Variants in CYRIB observed in about 807,000 individuals in gnomAD.
CYRIB encodes the protein CYFIP-related Rac1 interactor B.
In CYRIB, 8 loss-of-function variants were observed where a neutral mutation model predicts 44.2. The observed-to-expected ratio is 0.18, with a 90% CI of 0.11 to 0.33. The LOEUF (loss-of-function observed/expected upper bound fraction) is 0.33. Among genes scored for constraint, CYRIB ranks in the 10% least tolerant of loss-of-function variants. The pLI is 1.00. For missense variants in CYRIB, 185 were observed against 382.8 expected, an observed-to-expected ratio of 0.48 and a Z score of 4.31; for synonymous variants, 131 against 127.2, an observed-to-expected ratio of 1.03 and a Z score of -0.20.
At chr8:129,855,124 T>C (rs2045512040) in intron 6 of CYRIB, among the ~76,000 whole-genome samples, 2 of 152,154 alleles carry the variant, frequency 1.3e-5, no homozygotes, top group South Asian at 4.1e-4. Flanking sequence ...GTTTCGGAGA[T>C]TAATTTTTAA....
intron 4 of CYRIB, among the ~76,000 whole-genome samples, chr8:129,863,474 G>A (rs1338291056): frequency 1.3e-5 from 2 of 151,284 alleles, no homozygotes; most frequent in East Asian, 1.9e-4. Flanking sequence ...GCAGTGAGCC[G>A]AGATCATGCC....
At chr8:129,918,351 T>C (rs896289189) in intron 1 of CYRIB, among the ~76,000 whole-genome samples, 1 of 152,226 alleles carries the variant, frequency 6.6e-6, no homozygotes, top group Non-Finnish European at 1.5e-5. Context: ...CCTAATCCCA[T>C]GGCTTTTTGT....
chr8:129,909,955 T>G (rs1158634373), intron 1 of CYRIB, among the ~76,000 whole-genome samples: 1 of 152,176 alleles, frequency 6.6e-6, no homozygotes, highest in Non-Finnish European at 1.5e-5. Context: ...ACCAGATCAG[T>G]TTCTGTCAGA....
At chr8:130,016,216 C>T (rs1396805859) in intron 1 of CYRIB, among the ~76,000 whole-genome samples, 154 bp downstream of exon 1, 12 of 147,226 alleles carry the variant, frequency 8.2e-5, no homozygotes, top group Non-Finnish European at 3.0e-5. Context: ...CCCGCCGCAG[C>T]GCCCGGCCCG....
At chr8:129,921,634 A>AT (rs1392375398) in intron 1 of CYRIB, among the ~76,000 whole-genome samples, 6 of 152,170 alleles carry the variant, frequency 3.9e-5, no homozygotes, top group African/African-American at 1.2e-4. Flanking sequence ...GGTTGACACC[A>AT]TCTTAATTGA....
intron 1 of CYRIB, among the ~76,000 whole-genome samples, chr8:129,922,807 G>A (rs376951991): frequency 6.6e-6 from 1 of 151,426 alleles, no homozygotes; most frequent in African/African-American, 2.4e-5. Context: ...AGTTTGCAGT[G>A]AGCCGAGATC....
chr8:129,930,365 T>TATATATATATATATA (rs2090532178), intron 1 of CYRIB, among the ~76,000 whole-genome samples: 22 of 50,414 alleles, frequency 4.4e-4, no homozygotes, highest in African/African-American at 1.2e-3. Flanking sequence ...TGTGAAGTGC[T>TATATATATATATATA]TATATATATA....
intron 2 of CYRIB, among the ~76,000 whole-genome samples, chr8:129,900,204 A>T (rs980714763): frequency 6.6e-6 from 1 of 152,158 alleles, no homozygotes; most frequent in Admixed American, 6.6e-5. Context: ...TGAGTAAAAA[A>T]AAAATGTGGG....
At chr8:129,964,149 C>T (rs2095383302) in intron 2 of CYRIB, among the ~76,000 whole-genome samples, 1 of 152,062 alleles carries the variant, frequency 6.6e-6, no homozygotes, top group Non-Finnish European at 1.5e-5. Context: ...AAGAAAGGCC[C>T]CTAAAGGTCA....
chr8:129,906,251 G>C (rs2075321224), intron 1 of CYRIB, among the ~76,000 whole-genome samples: 1 of 152,280 alleles, frequency 6.6e-6, no homozygotes, highest in African/African-American at 2.4e-5. Context: ...TACCAAAACA[G>C]AGATATAGAC....
intron 1 of CYRIB, among the ~76,000 whole-genome samples, chr8:129,930,793 C>A (rs2090969867): frequency 6.6e-6 from 1 of 152,104 alleles, no homozygotes; most frequent in Non-Finnish European, 1.5e-5. Flanking sequence ...ATGCTTCATC[C>A]CTCATTTTCA....
chr8:129,931,833 A>G (rs1590221781), intron 1 of CYRIB, among the ~76,000 whole-genome samples: 1 of 151,858 alleles, frequency 6.6e-6, no homozygotes, highest in Non-Finnish European at 1.5e-5. Flanking sequence ...CACCATGTCA[A>G]CCAGGCTGGT....
chr8:129,872,215 A>T (rs2057545270), intron 3 of CYRIB, among the ~76,000 whole-genome samples: 1 of 152,146 alleles, frequency 6.6e-6, no homozygotes, highest in African/African-American at 2.4e-5. Context: ...AGCTGCTGAA[A>T]ACTAGATACT....
intron 1 of CYRIB, among the ~76,000 whole-genome samples, chr8:129,934,298 A>G (rs1268091763): frequency 6.6e-6 from 1 of 152,284 alleles, no homozygotes; most frequent in East Asian, 1.9e-4. Flanking sequence ...CTTACACTCA[A>G]TGACTAACAA....
intron 1 of CYRIB, among the ~76,000 whole-genome samples, chr8:130,014,067 C>T (rs1330935557): frequency 6.6e-6 from 1 of 152,168 alleles, no homozygotes; most frequent in Non-Finnish European, 1.5e-5. Context: ...AAGTCCTGCA[C>T]TCTCTCTAAG....
At chr8:129,971,916 T>C (rs2095708748) in intron 1 of CYRIB, among the ~76,000 whole-genome samples, 1 of 152,168 alleles carries the variant, frequency 6.6e-6, no homozygotes. Context: ...TAGCCAGCAG[T>C]TAGTGTGAAG....
At chr8:129,923,706 T>A (rs993489061) in intron 1 of CYRIB, among the ~76,000 whole-genome samples, 7 of 152,078 alleles carry the variant, frequency 4.6e-5, no homozygotes, top group Non-Finnish European at 7.4e-5. Flanking sequence ...ATTAAACATT[T>A]CTTACATCCT....
intron 2 of CYRIB, among the ~76,000 whole-genome samples, chr8:129,947,212 C>A (rs1342578189): frequency 6.6e-6 from 1 of 152,078 alleles, no homozygotes; most frequent in African/African-American, 2.4e-5. Flanking sequence ...CACATGCCAT[C>A]ATGCTCAGCT....
At chr8:129,906,977 C>T (rs200589746) in intron 1 of CYRIB, among the ~76,000 whole-genome samples, 171 of 152,208 alleles carry the variant, frequency 1.1e-3, no homozygotes, top group South Asian at 0.011. Flanking sequence ...TGTGGAGAAA[C>T]AGGAACACTT....
Sources: allele counts gnomAD v4.1 joint callset (sites outside exome capture counted in the v4.1 genomes callset), GRCh38; gene constraint gnomAD v4.1.1; transcripts MANE v1.5; gene names NCBI Gene and HGNC (gene_info 2026-07-23, HGNC 2026-07-21).